The following PDCD1LG2 variants were observed in gnomAD, a reference collection of about 807,000 sequenced individuals.
PDCD1LG2 encodes B7 dendritic cell molecule.
PDCD1LG2 carries 32 observed loss-of-function variants against 28.2 expected under a neutral mutation model. The observed-to-expected ratio is 1.13, with a 90% CI of 0.86 to 1.52. The LOEUF (loss-of-function observed/expected upper bound fraction) is 1.52. Ranked by LOEUF, PDCD1LG2 falls within the 40% of genes most tolerant of loss-of-function variation. PDCD1LG2 has a pLI of 0.00. For synonymous variants in PDCD1LG2, 116 were observed against 120.2 expected (o/e 0.97, Z 0.23); for missense variants, 385 against 323.8 (o/e 1.19, Z -1.45).
In PDCD1LG2 at chr9:5,560,528, T is replaced by G. The variant is rs567942825; in HGVS notation, c.767-2634T>G. Among the ~76,000 whole-genome samples the G allele has an allele frequency of 2.9e-4, 44 of 152,174 alleles. 1 individual carries two copies. Among genetic ancestry groups the G allele is most frequent in the Non-Finnish European group, 1.3e-4 (9 of 68,032 alleles). On this transcript the variant is annotated intron_variant, in intron 5 of 6. Transcript: ENST00000397747. ...TGGTTCCCCAACACATGCTCTGTCA[T>G]TGGTCCCAAAGCAGGACCCCTATGG...
At chr9:5,523,534 G>A (rs1029702408) in intron 2 of PDCD1LG2, among the ~76,000 whole-genome samples, 6 of 152,312 alleles carry the variant, frequency 3.9e-5, no homozygotes, top group African/African-American at 1.4e-4. Context: ...GCCTGGTCTG[G>A]CACTAGAGAC....
intron 3 of PDCD1LG2, among the ~76,000 whole-genome samples, chr9:5,541,322 A>G (rs1257052999): frequency 6.6e-6 from 1 of 152,150 alleles, no homozygotes; most frequent in African/African-American, 2.4e-5. Context: ...CACTTTCACC[A>G]CTTTTATTCA....
chr9:5,554,412 T>C (rs1463874008), intron 4 of PDCD1LG2, among the ~76,000 whole-genome samples: 1 of 152,222 alleles, frequency 6.6e-6, no homozygotes, highest in Non-Finnish European at 1.5e-5. Flanking sequence ...TGGCTTCTAT[T>C]TCTCAAGGGC....
chr9:5,542,424 C>T (rs1276558080), intron 3 of PDCD1LG2, among the ~76,000 whole-genome samples: 4 of 152,140 alleles, frequency 2.6e-5, no homozygotes, highest in African/African-American at 7.2e-5. Context: ...AGAAAATCTT[C>T]ACAATCTATA....
chr9:5,553,506 C>A (rs1816378222), intron 4 of PDCD1LG2, among the ~76,000 whole-genome samples: 2 of 152,160 alleles, frequency 1.3e-5, no homozygotes, highest in South Asian at 4.1e-4. Context: ...TCCAGGGAAA[C>A]AGGGGCCTGT....
At chr9:5,544,357 T>C (rs1820750867) in intron 3 of PDCD1LG2, among the ~76,000 whole-genome samples, 1 of 152,168 alleles carries the variant, frequency 6.6e-6, no homozygotes, top group South Asian at 2.1e-4. Flanking sequence ...TGACAGACAC[T>C]GGAACCCAGT....
chr9:5,515,922 CAAAAAAAAA>C (rs1204038026), intron 1 of PDCD1LG2, among the ~76,000 whole-genome samples: 7 of 30,296 alleles, frequency 2.3e-4, no homozygotes, highest in Non-Finnish European at 3.0e-4. Context: ...GACTCCATCT[CAAAAAAAAA>C]AAAAAAAAAA....
intron 3 of PDCD1LG2, among the ~76,000 whole-genome samples, chr9:5,538,205 T>C (rs1451937812): frequency 6.6e-6 from 1 of 152,156 alleles, no homozygotes; most frequent in East Asian, 1.9e-4. Flanking sequence ...TTGTCTTATT[T>C]ATTTATTCTC....
At chr9:5,534,106 G>T (rs1210902059) in intron 2 of PDCD1LG2, among the ~76,000 whole-genome samples, 1 of 151,964 alleles carries the variant, frequency 6.6e-6, no homozygotes, top group African/African-American at 2.4e-5. Flanking sequence ...TGAAAAAAAG[G>T]ATAGAATATT....
chr9:5,561,742 C>T (rs995152689), intron 5 of PDCD1LG2, among the ~76,000 whole-genome samples: 6 of 152,170 alleles, frequency 3.9e-5, no homozygotes, highest in Admixed American at 6.5e-5. Flanking sequence ...TCATCATAGG[C>T]TGGTAACAGT....
chr9:5,563,480 G>A (rs767455012), intron 6 of PDCD1LG2, among the ~76,000 whole-genome samples: 3 of 152,130 alleles, frequency 2.0e-5, no homozygotes, highest in Non-Finnish European at 4.4e-5. Context: ...AGTTAAAATC[G>A]AACAGCAAAG....
intron 1 of PDCD1LG2, among the ~76,000 whole-genome samples, chr9:5,514,160 C>T (rs1820111917): frequency 6.6e-6 from 1 of 152,146 alleles, no homozygotes; most frequent in Admixed American, 6.5e-5. Context: ...TGAGATACTT[C>T]CATAGAATGT....
intron 2 of PDCD1LG2, among the ~76,000 whole-genome samples, chr9:5,525,379 G>A (rs958633660): frequency 1.3e-5 from 2 of 151,054 alleles, no homozygotes; most frequent in South Asian, 2.1e-4. Flanking sequence ...CACTTATGGC[G>A]GTATTCTCAG....
chr9:5,529,069 T>C (rs563472527), intron 2 of PDCD1LG2, among the ~76,000 whole-genome samples: 46 of 152,370 alleles, frequency 3.0e-4, no homozygotes, highest in African/African-American at 9.6e-4. Flanking sequence ...TTATCAGATA[T>C]TGATTTTCAA....
At chr9:5,528,385 T>A (rs1194036220) in intron 2 of PDCD1LG2, among the ~76,000 whole-genome samples, 1 of 151,688 alleles carries the variant, frequency 6.6e-6, no homozygotes, top group Non-Finnish European at 1.5e-5. Flanking sequence ...CACTGCAGCC[T>A]CGATCTCTCA....
intron 3 of PDCD1LG2, among the ~76,000 whole-genome samples, chr9:5,536,587 T>C (rs1439641833): frequency 6.6e-6 from 1 of 152,246 alleles, no homozygotes; most frequent in Non-Finnish European, 1.5e-5. Context: ...TCTGTTTTTA[T>C]TGATCTCTAT....
At chr9:5,525,777 G>GCA (rs1563822503) in intron 2 of PDCD1LG2, among the ~76,000 whole-genome samples, 4 of 152,250 alleles carry the variant, frequency 2.6e-5, no homozygotes, top group East Asian at 3.9e-4. Context: ...GGCCGGGCAT[G>GCA]GTGGCTCACG....
intron 5 of PDCD1LG2, among the ~76,000 whole-genome samples, chr9:5,560,821 A>C (rs991669300): frequency 1.3e-5 from 2 of 152,074 alleles, no homozygotes; most frequent in African/African-American, 4.8e-5. Context: ...TGTGTACTAA[A>C]GTGTATTGGG....
chr9:5,539,862 T>C (rs1431212714), intron 3 of PDCD1LG2, among the ~76,000 whole-genome samples: 1 of 152,178 alleles, frequency 6.6e-6, no homozygotes, highest in Non-Finnish European at 1.5e-5. Context: ...CCAGAAACAA[T>C]GAATTTAAAC....
Sources: gnomAD v4.1 joint callset for allele counts (sites outside exome capture counted in the v4.1 genomes callset) on GRCh38, gnomAD v4.1.1 for gene constraint, MANE v1.5 for transcripts, NCBI Gene and HGNC (gene_info 2026-07-23, HGNC 2026-07-21) for gene names.